The following PAPPA2 variants were observed in gnomAD, a reference collection of about 807,000 sequenced individuals.
PAPPA2 encodes the protein pappalysin 2.
In PAPPA2, 86 loss-of-function variants were observed where a neutral mutation model predicts 176.4. That is an observed-to-expected ratio of 0.49 (90% CI 0.41 to 0.58). The LOEUF is 0.58. PAPPA2 is among the 20% of genes least tolerant of loss of function. PAPPA2 has a pLI of 0.00. For synonymous variants in PAPPA2, 809 were observed against 852.2 expected (o/e 0.95, Z 0.88); for missense variants, 2,073 against 2,256.9 (o/e 0.92, Z 1.65).
chr1:176,470,013 G>T lies in PAPPA2; in HGVS notation c.-917+6595G>T, dbSNP rs576210256. On this transcript the variant is annotated intron_variant, in intron 1 of 22. Transcript: ENST00000367662. ...TAGGGATTTTTATGGGGTCGAGGAAGGGACTTTGCCTTCCAAAATACTGTC... is the reference window on the plus strand; with the variant it reads ...TAGGGATTTTTATGGGGTCGAGGAATGGACTTTGCCTTCCAAAATACTGTC... Among the ~76,000 whole-genome samples, 22 of 152,328 alleles carry T rather than the reference G, an allele frequency of 1.4e-4. No individual in the cohort carries two copies. The East Asian group carries it at 4.1e-3, about 28-fold the overall frequency.
At chr1:176,480,920 C>T (rs1054840109) in intron 1 of PAPPA2, among the ~76,000 whole-genome samples, 6 of 152,086 alleles carry the variant, frequency 3.9e-5, no homozygotes, top group Admixed American at 3.9e-4. Context: ...CCTTCAACGC[C>T]TCTCCTGGGC....
intron 3 of PAPPA2, among the ~76,000 whole-genome samples, chr1:176,642,354 T>G (rs1657147898): frequency 6.6e-6 from 1 of 151,896 alleles, no homozygotes; most frequent in Non-Finnish European, 1.5e-5. Context: ...TTTGATAACA[T>G]GCATGTAGTA....
chr1:176,693,727 A>G (rs1387212732), intron 6 of PAPPA2, among the ~76,000 whole-genome samples: 1 of 152,166 alleles, frequency 6.6e-6, no homozygotes, highest in East Asian at 1.9e-4. Context: ...TTTCATGGTC[A>G]TCAGCGCCCA....
intron 1 of PAPPA2, among the ~76,000 whole-genome samples, chr1:176,524,392 A>G (rs1408729835): frequency 6.6e-6 from 1 of 152,232 alleles, no homozygotes; most frequent in East Asian, 1.9e-4. Context: ...AGAGAGCTAT[A>G]TGAGTAGCAC....
intron 6 of PAPPA2, among the ~76,000 whole-genome samples, chr1:176,693,217 G>A (rs147954670): frequency 9.9e-5 from 15 of 152,138 alleles, no homozygotes; most frequent in African/African-American, 3.6e-4. Context: ...TGATCTATTT[G>A]TGGCACTATA....
chr1:176,792,543 T>G (rs1665224668), intron 19 of PAPPA2, among the ~76,000 whole-genome samples: 1 of 152,162 alleles, frequency 6.6e-6, no homozygotes, highest in African/African-American at 2.4e-5. Flanking sequence ...TAAAATATCA[T>G]ATACTCACAT....
intron 2 of PAPPA2, among the ~76,000 whole-genome samples, chr1:176,570,985 G>A (rs1573057788): frequency 6.6e-6 from 1 of 152,104 alleles, no homozygotes; most frequent in Non-Finnish European, 1.5e-5. Flanking sequence ...AAGCTGCTTA[G>A]CAGTGGAAGC....
intron 14 of PAPPA2, among the ~76,000 whole-genome samples, chr1:176,755,242 A>G (rs1198550325): frequency 6.6e-6 from 1 of 152,180 alleles, no homozygotes; most frequent in African/African-American, 2.4e-5. Flanking sequence ...AGGGAGAGGT[A>G]GAGTCCCAAA....
intron 1 of PAPPA2, among the ~76,000 whole-genome samples, chr1:176,492,864 G>A (rs1647369147): frequency 6.6e-6 from 1 of 152,098 alleles, no homozygotes; most frequent in Non-Finnish European, 1.5e-5. Context: ...GAGAACTGAA[G>A]AACAGGTTGA....
chr1:176,518,170 A>G (rs1014825883), intron 1 of PAPPA2, among the ~76,000 whole-genome samples: 6 of 152,172 alleles, frequency 3.9e-5, no homozygotes, highest in Admixed American at 2.0e-4. Flanking sequence ...ACTTCTTTCT[A>G]TAAAGCCTTT....
intron 3 of PAPPA2, among the ~76,000 whole-genome samples, chr1:176,643,812 A>G (rs1385001171): frequency 6.6e-6 from 1 of 151,838 alleles, no homozygotes; most frequent in African/African-American, 2.4e-5. Flanking sequence ...GTTGGGCGGA[A>G]GAGGGGGAGA....
At position 176,471,876 on chromosome 1, in the gene PAPPA2, G is replaced by A. The variant is rs1235450244; in HGVS notation, c.-917+8458G>A. On this transcript the variant is annotated intron_variant, in intron 1 of 22. Coordinates refer to ENST00000367662, the MANE Select transcript of PAPPA2 (RefSeq NM_020318.3). ...GATTGGACACTCCTGATGAGATTCA[G>A]CATTTACTCCAGCCTCTGTATTTCC... 2.6e-5 allele frequency among the ~76,000 whole-genome samples: 4 copies of A among 152,276 alleles called. No individual in the cohort carries two copies. In the East Asian group the frequency reaches 7.7e-4, roughly 29 times the overall value.
intron 2 of PAPPA2, among the ~76,000 whole-genome samples, chr1:176,559,384 T>G (rs773249186): frequency 5.9e-5 from 9 of 152,218 alleles, no homozygotes; most frequent in Non-Finnish European, 1.0e-4. Flanking sequence ...TTTAGATTTC[T>G]GTACATCAGA....
chr1:176,546,390 A>T (rs577655286), intron 1 of PAPPA2, among the ~76,000 whole-genome samples: 15 of 152,224 alleles, frequency 9.9e-5, no homozygotes, highest in Non-Finnish European at 1.9e-4. Context: ...GGAATATGAT[A>T]GGGCAATCAG....
At chr1:176,624,500 G>A (rs1481893109) in intron 3 of PAPPA2, among the ~76,000 whole-genome samples, 1 of 152,120 alleles carries the variant, frequency 6.6e-6, no homozygotes, top group East Asian at 1.9e-4. Flanking sequence ...CACCTTTTTG[G>A]TTAGCAAGGT....
intron 1 of PAPPA2, among the ~76,000 whole-genome samples, chr1:176,521,324 A>C (rs1052610979): frequency 2.0e-5 from 3 of 152,094 alleles, no homozygotes; most frequent in African/African-American, 7.2e-5. Flanking sequence ...TTCACCTTTC[A>C]TGGAATGCTC....
chr1:176,564,865 C>T (rs1306509267), intron 2 of PAPPA2, among the ~76,000 whole-genome samples: 1 of 151,944 alleles, frequency 6.6e-6, no homozygotes, highest in African/African-American at 2.4e-5. Context: ...TCAATTATCT[C>T]AATCTAATTT....
Position 176,673,498 on chromosome 1 carries a change from A to T in PAPPA2, c.2137+2383A>T, listed in dbSNP as rs1567098. Among the ~76,000 whole-genome samples, 38 of 152,278 alleles carry T rather than the reference A, an allele frequency of 2.5e-4. No individual in the cohort carries two copies. In the South Asian group the frequency reaches 7.9e-3, roughly 32 times the overall value. ...GAGGTCCTGATAGCAAGGTTTACCCAGCAGTGGCTTCCATGAGGCCCAGGT... is the reference window on the plus strand; with the variant it reads ...GAGGTCCTGATAGCAAGGTTTACCCTGCAGTGGCTTCCATGAGGCCCAGGT... On this transcript the variant is annotated intron_variant, in intron 4 of 22. Coordinates refer to ENST00000367662, the MANE Select transcript of PAPPA2 (RefSeq NM_020318.3).
intron 3 of PAPPA2, chr1:176,616,798 A>T: frequency 2.4e-6 from 2 of 849,602 alleles, no homozygotes; most frequent in South Asian, 1.4e-5. Context: ...GTATTAATTT[A>T]GTTAAAAAAT....
Sources: allele counts gnomAD v4.1 joint callset (sites outside exome capture counted in the v4.1 genomes callset), GRCh38; gene constraint gnomAD v4.1.1; transcripts MANE v1.5; gene names NCBI Gene and HGNC (gene_info 2026-07-23, HGNC 2026-07-21).